PCDHGB7: variants seen among roughly 807,000 people sequenced by gnomAD.
PCDHGB7 encodes protocadherin gamma subfamily B, 7, also known as protocadherin gamma-B7.
A neutral mutation model predicts 61.4 loss-of-function variants in PCDHGB7; 37 were observed. The ratio of observed to expected loss-of-function variants is 0.60; its 90% CI spans 0.46 to 0.79. PCDHGB7 has a LOEUF of 0.79. PCDHGB7 is among the 30% of genes least tolerant of loss of function. PCDHGB7 has a pLI of 0.00. For synonymous variants in PCDHGB7, 464 were observed against 503.5 expected, an observed-to-expected ratio of 0.92 and a Z score of 1.05; for missense variants, 1,166 against 1,202.5, an observed-to-expected ratio of 0.97 and a Z score of 0.45.
At chr5:141,459,137 G>C (rs1336232891) in intron 1 of PCDHGB7, among the ~76,000 whole-genome samples, 1 of 152,190 alleles carries the variant, frequency 6.6e-6, no homozygotes, top group Non-Finnish European at 1.5e-5. Context: ...TAACCACCAT[G>C]CAATCAAAAT....
chr5:141,489,904 C>T lies in PCDHGB7; in HGVS notation c.2416-4903C>T, dbSNP rs750411680. On this transcript the variant is annotated intron_variant, in intron 1 of 3. Transcript: ENST00000398594. This position sits in a 1 kb window ranked among gnomAD's most constrained non-coding sequence, Gnocchi z 4.5. ...TGCTGTGGATGGGGGGACCCCAGCC[C>T]GCTCAGGGACCACCCTTATCTCTGT... 1.6e-5 allele frequency: 26 copies of T among 1,614,092 alleles called. No homozygotes were observed. The highest frequency in any genetic ancestry group is 3.3e-5 in the Admixed American group (2 of 60,014).
chr5:141,431,506 G>T lies in PCDHGB7; in HGVS notation c.2415+11232G>T. 1.2e-6 allele frequency: 2 copies of T among 1,613,988 alleles called. No homozygotes were observed. Among genetic ancestry groups the T allele is most frequent in the South Asian group, 2.2e-5 (2 of 91,084 alleles). The stretch of plus-strand genomic sequence containing the variant: ...CGTTTGCTCAGCCCGAGTACCGCGC[G>T]AGCGTTCCGGAGAATCTGGCCTTGG... On this transcript the variant is annotated intron_variant, in intron 1 of 3. Coordinates refer to ENST00000398594, the MANE Select transcript of PCDHGB7 (RefSeq NM_018927.4). This position sits in a 1 kb window ranked among gnomAD's most constrained non-coding sequence, Gnocchi z 4.8.
Position 141,438,011 on chromosome 5 carries a change from G to T in PCDHGB7, c.2415+17737G>T, listed in dbSNP as rs189978786. On this transcript the variant is annotated intron_variant, in intron 1 of 3. Coordinates refer to ENST00000398594, the MANE Select transcript of PCDHGB7 (RefSeq NM_018927.4). ...CCACCTCAGCCTCCCAAATAGCTGAGATTACAGGTGTGAGCCACCATGCCC... is the reference window on the plus strand; with the variant it reads ...CCACCTCAGCCTCCCAAATAGCTGATATTACAGGTGTGAGCCACCATGCCC... 2.8e-3 allele frequency among the ~76,000 whole-genome samples: 432 copies of T among 152,220 alleles called. 1 individual carries two copies. The highest frequency in any genetic ancestry group is 0.021 in the Admixed American group (318 of 15,288).
At position 141,491,724 on chromosome 5, in the gene PCDHGB7, G is replaced by A; in HGVS notation, c.2416-3083G>A. ...AGGTGAGGGGCTCGGCGCCGCCCCGGGCGACCCCTGGGGGCGGCACTGGAG... is the reference window on the plus strand; with the variant it reads ...AGGTGAGGGGCTCGGCGCCGCCCCGAGCGACCCCTGGGGGCGGCACTGGAG... On this transcript the variant is annotated intron_variant, in intron 1 of 3. Coordinates refer to ENST00000398594, the MANE Select transcript of PCDHGB7 (RefSeq NM_018927.4). This position sits in a 1 kb window ranked among gnomAD's most constrained non-coding sequence, Gnocchi z 6.9. 1 of 1,606,454 alleles carries A rather than the reference G, an allele frequency of 6.2e-7. No individual in the cohort carries two copies. The highest frequency in any genetic ancestry group is 1.1e-5 in the South Asian group (1 of 90,304).
chr5:141,418,811 A>C lies in PCDHGB7; in HGVS notation c.952A>C (p.Asn318His). The C allele has an allele frequency of 6.2e-7, 1 of 1,613,916 alleles. No individual in the cohort carries two copies. Residue 318 changes from asparagine to histidine, a missense_variant, in exon 1 of 4, where the codon AAC becomes CAC. By Grantham distance (68) the Asn-to-His change is moderately conservative (BLOSUM62 1). Coordinates refer to ENST00000398594, the MANE Select transcript of PCDHGB7 (RefSeq NM_018927.4). ...TGAAGAAGTAGAAAGATATACGATA[A>C]ACATAGAAGCAAAAGACCGAGGATC... ...DFEEVERYTINIEAKDRGSLS... is the reference protein window; with the variant it reads ...DFEEVERYTIHIEAKDRGSLS...
chr5:141,457,806 G>A (rs1321207711), intron 1 of PCDHGB7, among the ~76,000 whole-genome samples: 1 of 152,150 alleles, frequency 6.6e-6, no homozygotes, highest in Non-Finnish European at 1.5e-5. Context: ...CTCCTCTTGA[G>A]GTCCCAAGAT....
At chr5:141,475,543 G>A (rs1161883598) in intron 1 of PCDHGB7, among the ~76,000 whole-genome samples, 1 of 152,196 alleles carries the variant, frequency 6.6e-6, no homozygotes, top group African/African-American at 2.4e-5. Flanking sequence ...TACAAGTAGG[G>A]TCCGGCTAAT....
Position 141,432,058 on chromosome 5 carries a change from C to T in PCDHGB7, c.2415+11784C>T, listed in dbSNP as rs2097444209. On this transcript the variant is annotated intron_variant, in intron 1 of 3. Coordinates refer to ENST00000398594, the MANE Select transcript of PCDHGB7 (RefSeq NM_018927.4). The surrounding 1 kb of genome is among the most constrained non-coding windows in gnomAD (Gnocchi z 6.0). ...CTGACCGGGGAACCCCGCCCCTATC[C>T]ACGGAAACTCATATCTCGCTGAACG... 1 of 1,614,210 alleles carries T rather than the reference C, an allele frequency of 6.2e-7. No individual in the cohort carries two copies.
chr5:141,430,365 G>GA lies in PCDHGB7; in HGVS notation c.2415+10099dup, dbSNP rs202146484. Among the ~76,000 whole-genome samples, 583 of 147,736 alleles carry GA rather than the reference G, an allele frequency of 3.9e-3. 6 individuals are homozygous for GA. The highest frequency in any genetic ancestry group is 0.011 in the Admixed American group (169 of 14,894). On this transcript the variant is annotated intron_variant, in intron 1 of 3. Coordinates refer to ENST00000398594, the MANE Select transcript of PCDHGB7 (RefSeq NM_018927.4). ...CCAATTCATTTAAAAGCTCATTGGG[G>GA]AAAAAAAAGCTCATTGGGAAAAAAA...
intron 1 of PCDHGB7, among the ~76,000 whole-genome samples, chr5:141,469,134 G>T (rs2099192163): frequency 6.6e-6 from 1 of 151,944 alleles, no homozygotes; most frequent in Non-Finnish European, 1.5e-5. Context: ...AAATTAGCCA[G>T]AAATGGTGGC....
rs771408685 is a variant in PCDHGB7, at chr5:141,486,166, G to T, written c.2416-8641G>T. ...GCGATGGGGGTTCTCCAGCCATGGA[G>T]CAACATTGCAGCCTTCGAGTGGATC... is the stretch of plus-strand genomic sequence containing the variant. On this transcript the variant is annotated intron_variant, in intron 1 of 3. Transcript: ENST00000398594. The surrounding 1 kb of genome is among the most constrained non-coding windows in gnomAD (Gnocchi z 5.0). 1.9e-6 allele frequency: 3 copies of T among 1,614,106 alleles called. No homozygotes were observed. Among genetic ancestry groups the T allele is most frequent in the Non-Finnish European group, 2.5e-6 (3 of 1,180,048 alleles).
At chr5:141,430,641 T>C (rs1332550435) in intron 1 of PCDHGB7, 2 of 902,672 alleles carry the variant, frequency 2.2e-6, no homozygotes, top group East Asian at 5.4e-5. Flanking sequence ...TCCCTGGGAG[T>C]ATGTGGAAAC....
rs11575965 is a variant in PCDHGB7 at position 141,430,679 on chromosome 5, T to C, written c.2415+10405T>C. 6,478 of 1,333,262 alleles carry C rather than the reference T, an allele frequency of 4.9e-3. 34 individuals carry two copies. Among genetic ancestry groups the C allele is most frequent in the Admixed American group, 9.3e-3 (354 of 37,978 alleles). 82.6% of individuals were successfully genotyped at this position (1,333,262 alleles called of 1,614,324 possible). ...CGGAGGAGCTCTGACTTCCCAACTG[T>C]CCCATTCTATGGGCGAAGGAACTGC... On this transcript the variant is annotated intron_variant, in intron 1 of 3. Coordinates refer to ENST00000398594, the MANE Select transcript of PCDHGB7 (RefSeq NM_018927.4).
intron 1 of PCDHGB7, among the ~76,000 whole-genome samples, chr5:141,470,845 G>T (rs1381257094): frequency 1.3e-5 from 2 of 151,972 alleles, no homozygotes; most frequent in African/African-American, 4.8e-5. Flanking sequence ...ACGCCACCAT[G>T]CTCAGATAAG....
chr5:141,427,973 C>T (rs754410723), intron 1 of PCDHGB7: 3 of 1,594,054 alleles, frequency 1.9e-6, no homozygotes, highest in Non-Finnish European at 2.6e-6. Context: ...TGCTGTACCC[C>T]GCGCTGGGGC....
Position 141,490,397 on chromosome 5 carries a change from G to A in PCDHGB7, c.2416-4410G>A. 6.2e-7 allele frequency: 1 copy of A among 1,614,170 alleles called. No individual in the cohort carries two copies. Among genetic ancestry groups the A allele is most frequent in the South Asian group, 1.1e-5 (1 of 91,080 alleles). On this transcript the variant is annotated intron_variant, in intron 1 of 3. Coordinates refer to ENST00000398594, the MANE Select transcript of PCDHGB7 (RefSeq NM_018927.4). This position sits in a 1 kb window ranked among gnomAD's most constrained non-coding sequence, Gnocchi z 5.4. ...GACTCAGGTAGAAATGGTGAAGTGA[G>A]CCTTGATATCTCTCCGGACCTGCCA...
At chr5:141,435,055 A>T (rs148331367) in intron 1 of PCDHGB7, among the ~76,000 whole-genome samples, 5 of 152,124 alleles carry the variant, frequency 3.3e-5, no homozygotes, top group Non-Finnish European at 7.4e-5. Flanking sequence ...TTGACCATGC[A>T]GCAGTTTTGT....
Position 141,476,659 on chromosome 5 carries a change from G to C in PCDHGB7, c.2416-18148G>C. On this transcript the variant is annotated intron_variant, in intron 1 of 3. Transcript: ENST00000398594. This position sits in a 1 kb window ranked among gnomAD's most constrained non-coding sequence, Gnocchi z 7.6. ...AGCTGAGCCGAAATGAATACTTTGCGCTTCGCGTGCAGACGCGGGAGGACA... is the reference window on the plus strand; with the variant it reads ...AGCTGAGCCGAAATGAATACTTTGCCCTTCGCGTGCAGACGCGGGAGGACA... 1 of 1,614,252 alleles carries C rather than the reference G, an allele frequency of 6.2e-7. No individual in the cohort carries two copies. The highest frequency in any genetic ancestry group is 8.5e-7 in the Non-Finnish European group (1 of 1,180,048).
intron 1 of PCDHGB7, among the ~76,000 whole-genome samples, chr5:141,438,216 T>A (rs2097938802): frequency 6.6e-6 from 1 of 152,158 alleles, no homozygotes; most frequent in Non-Finnish European, 1.5e-5. Flanking sequence ...TGGGAAGGGC[T>A]CTGGTTCAGG....
Sources: gnomAD v4.1 joint callset for allele counts (sites outside exome capture counted in the v4.1 genomes callset) on GRCh38, gnomAD v4.1.1 for gene constraint, Gnocchi (gnomAD v3.1) non-coding constraint, MANE v1.5 for transcripts, NCBI Gene and HGNC (gene_info 2026-07-23, HGNC 2026-07-21) for gene names.